Variants in BZW2 observed in about 807,000 individuals in gnomAD.
BZW2 encodes the protein basic leucine zipper and W2 domains 2, also known as eIF5-mimic protein 1.
BZW2 carries 23 observed loss-of-function variants against 53.2 expected under a neutral mutation model. The ratio of observed to expected loss-of-function variants is 0.43; its 90% CI spans 0.31 to 0.61. BZW2 has a LOEUF of 0.61. BZW2 is among the 20% of genes least tolerant of loss of function. The probability of loss-of-function intolerance (pLI) is 0.09; values close to 1 mark genes in which losing one functional copy is unlikely to be tolerated. For synonymous variants in BZW2, 227 were observed against 186.4 expected, an observed-to-expected ratio of 1.22 and a Z score of -1.77; for missense variants, 409 against 503.1, an observed-to-expected ratio of 0.81 and a Z score of 1.79.
At chr7:16,704,745 A>T (rs1783780082) in intron 11 of BZW2, 76 bp downstream of exon 11, 23 of 1,342,452 alleles carry the variant, frequency 1.7e-5, no homozygotes, top group Non-Finnish European at 2.2e-5. Context: ...CCTCTTCCAC[A>T]GATTTTACTT....
chr7:16,677,035 T>C (rs546761518), intron 3 of BZW2, among the ~76,000 whole-genome samples: 1 of 151,328 alleles, frequency 6.6e-6, no homozygotes, highest in East Asian at 2.0e-4. Context: ...CAGATTTATC[T>C]CTGTAGCCCA....
At chr7:16,668,560 T>G (rs1206823115) in intron 2 of BZW2, among the ~76,000 whole-genome samples, 1 of 152,222 alleles carries the variant, frequency 6.6e-6, no homozygotes, top group African/African-American at 2.4e-5. Flanking sequence ...TTCTCATCCT[T>G]AACTTTTCTT....
chr7:16,691,096 A>C (rs1783288456), intron 7 of BZW2, among the ~76,000 whole-genome samples: 1 of 152,234 alleles, frequency 6.6e-6, no homozygotes, highest in Non-Finnish European at 1.5e-5. Flanking sequence ...TGTTTCTTGA[A>C]GTTTACCTTA....
chr7:16,668,076 G>C (rs1295754769), intron 2 of BZW2, among the ~76,000 whole-genome samples: 2 of 152,220 alleles, frequency 1.3e-5, no homozygotes, highest in Non-Finnish European at 2.9e-5. Context: ...TGTGATAATA[G>C]CTAATATATG....
At chr7:16,650,251 T>C (rs1185894863) in intron 1 of BZW2, among the ~76,000 whole-genome samples, 4 of 152,214 alleles carry the variant, frequency 2.6e-5, no homozygotes, top group African/African-American at 9.6e-5. Context: ...GATGAATATC[T>C]TACTGGTAGT....
At chr7:16,703,315 C>T (rs1489433284) in intron 10 of BZW2, among the ~76,000 whole-genome samples, 1 of 151,812 alleles carries the variant, frequency 6.6e-6, no homozygotes, top group Non-Finnish European at 1.5e-5. Context: ...TTTAAAAAAC[C>T]TTTTATTTTC....
rs531704927 is a variant in BZW2 at position 16,649,176 on chromosome 7, T to G, written c.-8+2888T>G. Among the ~76,000 whole-genome samples the G allele has an allele frequency of 1.1e-4, 16 of 152,324 alleles. No individual in the cohort carries two copies. In the South Asian group the frequency reaches 3.1e-3, roughly 30 times the overall value. Reference sequence around the variant, plus strand: ...ACTTTCTCATCGCATTCTATTATAGTTATTATTAATCTGTTTGGTCCCTTC... The same window carrying G: ...ACTTTCTCATCGCATTCTATTATAGGTATTATTAATCTGTTTGGTCCCTTC... On this transcript the variant is annotated intron_variant, in intron 1 of 11. Coordinates refer to ENST00000258761, the MANE Select transcript of BZW2 (RefSeq NM_014038.3).
At chr7:16,676,804 C>A (rs1184917726) in intron 3 of BZW2, among the ~76,000 whole-genome samples, 2 of 151,894 alleles carry the variant, frequency 1.3e-5, no homozygotes, top group African/African-American at 4.8e-5. Flanking sequence ...TTATATGGAC[C>A]CTTTTCAGAC....
At chr7:16,676,294 A>G (rs1782761975) in intron 3 of BZW2, among the ~76,000 whole-genome samples, 1 of 152,168 alleles carries the variant, frequency 6.6e-6, no homozygotes. Context: ...CACACCTGTA[A>G]TCCCAGCACT....
At position 16,656,545 on chromosome 7, in the gene BZW2, G is replaced by A. The variant is rs958964234; in HGVS notation, c.-7-8892G>A. Among the ~76,000 whole-genome samples the A allele has an allele frequency of 5.3e-4, 50 of 94,118 alleles. 1 individual carries two copies. Among genetic ancestry groups the A allele is most frequent in the African/African-American group, 2.0e-3 (41 of 20,638 alleles). 61.7% of individuals were successfully genotyped at this position (94,118 alleles called of 152,430 possible). The stretch of plus-strand genomic sequence containing the variant: ...CCTGTTGATCATCAAGCACTCCCCA[G>A]CGCGCGCGCGCACACACACACACAC... On this transcript the variant is annotated intron_variant, in intron 1 of 11. Coordinates refer to ENST00000258761, the MANE Select transcript of BZW2 (RefSeq NM_014038.3).
intron 3 of BZW2, among the ~76,000 whole-genome samples, chr7:16,679,924 C>A (rs1782887295): frequency 6.6e-6 from 1 of 152,074 alleles, no homozygotes; most frequent in Admixed American, 6.6e-5. Flanking sequence ...CTTCTAATGG[C>A]TACCATTGAA....
chr7:16,672,588 T>C (rs1441452833), intron 2 of BZW2, among the ~76,000 whole-genome samples: 1 of 152,296 alleles, frequency 6.6e-6, no homozygotes, highest in African/African-American at 2.4e-5. Flanking sequence ...CATCCTTTGC[T>C]CCTCTCTCCT....
chr7:16,680,590 A>G (rs1782914457), intron 3 of BZW2, among the ~76,000 whole-genome samples: 1 of 152,136 alleles, frequency 6.6e-6, no homozygotes, highest in South Asian at 2.1e-4. Flanking sequence ...GGACCACTTG[A>G]GCCCAGTAGT....
intron 6 of BZW2, chr7:16,687,071 A>G (rs906423863): frequency 2.0e-5 from 3 of 152,242 alleles, no homozygotes; most frequent in Non-Finnish European, 4.4e-5. Context: ...CCTAGCCAAC[A>G]TAACAGAAAA....
Position 16,686,046 on chromosome 7 carries a change from G to A in BZW2, c.541+6G>A, listed in dbSNP as rs775002492. 4.3e-6 allele frequency: 7 copies of A among 1,611,620 alleles called. No homozygotes were observed. Among genetic ancestry groups the A allele is most frequent in the East Asian group, 2.2e-5 (1 of 44,852 alleles). ...CGACAGCTTAGTCAAAGAAGGTAAC[G>A]AGGCTCCTGTTTTCTCGCCTGTCAG... On this transcript the variant is annotated splice_donor_region_variant and intron_variant, in intron 6 of 11. Coordinates refer to ENST00000258761, the MANE Select transcript of BZW2 (RefSeq NM_014038.3).
At chr7:16,674,050 C>T (rs956356262) in intron 2 of BZW2, among the ~76,000 whole-genome samples, 2 of 152,180 alleles carry the variant, frequency 1.3e-5, no homozygotes, top group African/African-American at 2.4e-5. Flanking sequence ...AGGCACCCAC[C>T]ACCATGCCCA....
chr7:16,648,726 C>T (rs1401665816), intron 1 of BZW2, among the ~76,000 whole-genome samples: 1 of 152,186 alleles, frequency 6.6e-6, no homozygotes, highest in Non-Finnish European at 1.5e-5. Context: ...TCTAAGGTCA[C>T]CACTCTGCTT....
At chr7:16,697,623 C>T (rs1783541356) in intron 9 of BZW2, among the ~76,000 whole-genome samples, 1 of 152,170 alleles carries the variant, frequency 6.6e-6, no homozygotes, top group South Asian at 2.1e-4. Flanking sequence ...GTCAGAAAGT[C>T]AAGGATATTT....
chr7:16,696,773 C>T, intron 8 of BZW2, 142 bp from the exon 9 acceptor site: 1 of 825,988 alleles, frequency 1.2e-6, no homozygotes, highest in Non-Finnish European at 1.9e-6. Flanking sequence ...CTCTTCCAGT[C>T]TGAGAATGCA....
Sources: allele counts gnomAD v4.1 joint callset (sites outside exome capture counted in the v4.1 genomes callset), GRCh38; gene constraint gnomAD v4.1.1; transcripts MANE v1.5; gene names NCBI Gene and HGNC (gene_info 2026-07-23, HGNC 2026-07-21).